EIF4G3: variants seen among roughly 807,000 people sequenced by gnomAD.
EIF4G3 encodes the protein eIF-4-gamma 3.
In EIF4G3, 34 loss-of-function variants were observed where a neutral mutation model predicts 186.4. That is an observed-to-expected ratio of 0.18 (90% CI 0.14 to 0.24). EIF4G3 has a LOEUF of 0.24. Ranked by LOEUF, EIF4G3 falls within the 10% of genes least tolerant of loss-of-function variation. The pLI is 1.00. For synonymous variants in EIF4G3, 673 were observed against 679.5 expected, an observed-to-expected ratio of 0.99 and a Z score of 0.15; for missense variants, 1,536 against 1,948.5, an observed-to-expected ratio of 0.79 and a Z score of 3.99.
At chr1:20,898,354 T>A (rs1457627577) in intron 16 of EIF4G3, among the ~76,000 whole-genome samples, 2 of 152,036 alleles carry the variant, frequency 1.3e-5, no homozygotes, top group Non-Finnish European at 2.9e-5. Flanking sequence ...TAAAAACTTT[T>A]AAAAATAATA....
chr1:21,038,889 T>A (rs1015578891), intron 4 of EIF4G3, among the ~76,000 whole-genome samples: 16 of 152,144 alleles, frequency 1.1e-4, no homozygotes, highest in African/African-American at 2.4e-4. Context: ...TATTTTTTTT[T>A]AAATACACAG....
At chr1:20,915,945 T>C (rs139940056) in intron 14 of EIF4G3, among the ~76,000 whole-genome samples, 8 of 152,260 alleles carry the variant, frequency 5.3e-5, no homozygotes, top group Middle Eastern at 3.4e-3. Flanking sequence ...ATTATCCATA[T>C]AGAAAAATCC....
intron 14 of EIF4G3, among the ~76,000 whole-genome samples, chr1:20,930,553 C>T (rs2095259440): frequency 3.9e-5 from 6 of 152,116 alleles, no homozygotes; most frequent in Admixed American, 3.3e-4. Context: ...GTCACATTTT[C>T]AGGCTTTAGT....
intron 20 of EIF4G3, among the ~76,000 whole-genome samples, chr1:20,870,725 C>T (rs1170025670): frequency 1.3e-5 from 2 of 152,234 alleles, no homozygotes; most frequent in Non-Finnish European, 2.9e-5. Context: ...CACTCTTCCT[C>T]ACCTGCCACT....
intron 13 of EIF4G3, among the ~76,000 whole-genome samples, chr1:20,944,701 T>C (rs2095865688): frequency 6.6e-6 from 1 of 151,990 alleles, no homozygotes; most frequent in Admixed American, 6.6e-5. Context: ...AGACCTATGA[T>C]TGATAAACTT....
intron 4 of EIF4G3, among the ~76,000 whole-genome samples, chr1:21,006,904 A>G (rs2085243167): frequency 6.6e-6 from 1 of 152,232 alleles, no homozygotes; most frequent in South Asian, 2.1e-4. Context: ...ATAACATAAA[A>G]CATTTATACA....
At chr1:21,137,977 T>C (rs935204460) in intron 2 of EIF4G3, among the ~76,000 whole-genome samples, 1 of 152,204 alleles carries the variant, frequency 6.6e-6, no homozygotes, top group African/African-American at 2.4e-5. Context: ...GGCACATTCA[T>C]GGTGTGACAA....
intron 20 of EIF4G3, among the ~76,000 whole-genome samples, chr1:20,876,824 T>A: frequency 6.6e-6 from 1 of 151,808 alleles, no homozygotes. Flanking sequence ...TAGTAAGACC[T>A]CATCTCTACC....
At chr1:20,916,599 A>G (rs2093904242) in intron 14 of EIF4G3, among the ~76,000 whole-genome samples, 2 of 152,328 alleles carry the variant, frequency 1.3e-5, no homozygotes, top group Non-Finnish European at 2.9e-5. Flanking sequence ...AAAATATAGA[A>G]AAAAACTGAT....
chr1:20,878,480 G>A (rs528673016), intron 20 of EIF4G3, among the ~76,000 whole-genome samples: 2 of 152,190 alleles, frequency 1.3e-5, no homozygotes, highest in African/African-American at 4.8e-5. Flanking sequence ...AATGGATTTT[G>A]AATTCCTTTA....
At chr1:21,060,768 A>ATCCT (rs2094853716) in intron 3 of EIF4G3, among the ~76,000 whole-genome samples, 2 of 138,210 alleles carry the variant, frequency 1.4e-5, no homozygotes, top group South Asian at 5.3e-4. Flanking sequence ...ACACAGCAAG[A>ATCCT]TCCTGTCTCT....
rs533754782 is a variant in EIF4G3 at position 21,113,602 on chromosome 1, C to A, written c.-271-24389G>T. Among the ~76,000 whole-genome samples, 58 of 152,222 alleles carry A rather than the reference C, an allele frequency of 3.8e-4. 2 individuals are homozygous for A. The South Asian group carries it at 0.011, about 29-fold the overall frequency. ...CAGTAAAATCAACTGGTCTATACTG[C>A]ATTTTAAATATATCTTTCACCTGTC... is the stretch of plus-strand genomic sequence containing the variant. On this transcript the variant is annotated intron_variant, in intron 2 of 36. Coordinates refer to ENST00000602326, the MANE Select transcript of EIF4G3 (RefSeq NM_001391906.1).
intron 12 of EIF4G3, among the ~76,000 whole-genome samples, chr1:20,959,285 G>A (rs1458856326): frequency 6.6e-6 from 1 of 151,974 alleles, no homozygotes; most frequent in Non-Finnish European, 1.5e-5. Flanking sequence ...CATAAATTGA[G>A]GAATAGACAC....
At chr1:20,813,264 A>G in intron 34 of EIF4G3, 25 bp from the exon 35 acceptor site, 2 of 1,570,396 alleles carry the variant, frequency 1.3e-6, no homozygotes, top group South Asian at 1.1e-5. Flanking sequence ...AAATAAAACA[A>G]TTAAAGATAC....
chr1:21,104,922 G>C (rs1171858216), intron 2 of EIF4G3, among the ~76,000 whole-genome samples: 1 of 152,074 alleles, frequency 6.6e-6, no homozygotes, highest in African/African-American at 2.4e-5. Context: ...AACATGGATG[G>C]AGCTGAAAGT....
intron 2 of EIF4G3, among the ~76,000 whole-genome samples, chr1:21,106,226 G>A (rs1454980170): frequency 1.5e-4 from 23 of 152,094 alleles, no homozygotes; most frequent in Non-Finnish European, 5.9e-5. Context: ...TTTAAACAGA[G>A]GAGATCCATA....
intron 20 of EIF4G3, among the ~76,000 whole-genome samples, chr1:20,877,748 T>C (rs1342810260): frequency 6.6e-6 from 1 of 152,206 alleles, no homozygotes; most frequent in Non-Finnish European, 1.5e-5. Context: ...ATTAATCTCA[T>C]TTTATGGATT....
At chr1:21,080,750 T>C (rs2095751732) in intron 3 of EIF4G3, among the ~76,000 whole-genome samples, 1 of 152,122 alleles carries the variant, frequency 6.6e-6, no homozygotes, top group Non-Finnish European at 1.5e-5. Context: ...CTTCGTGATC[T>C]GCCCACCTCA....
At chr1:20,976,675 T>C (rs2076925391) in intron 10 of EIF4G3, among the ~76,000 whole-genome samples, 1 of 152,166 alleles carries the variant, frequency 6.6e-6, no homozygotes, top group Non-Finnish European at 1.5e-5. Flanking sequence ...ACACCTGTAT[T>C]CCACAAAATA....
Sources: gnomAD v4.1 joint callset for allele counts (sites outside exome capture counted in the v4.1 genomes callset) on GRCh38, gnomAD v4.1.1 for gene constraint, MANE v1.5 for transcripts, NCBI Gene and HGNC (gene_info 2026-07-23, HGNC 2026-07-21) for gene names.